Variants in LRP1B observed in about 807,000 individuals in gnomAD.
The protein encoded by LRP1B is low-density lipoprotein receptor-related protein 1B.
LRP1B carries 217 observed loss-of-function variants against 556.6 expected under a neutral mutation model. The observed-to-expected ratio is 0.39, with a 90% confidence interval of 0.35 to 0.44. The LOEUF (loss-of-function observed/expected upper bound fraction) is 0.44, where lower values mean the gene tolerates loss of function less well. Ranked by LOEUF, LRP1B falls within the 20% of genes least tolerant of loss-of-function variation. The probability of loss-of-function intolerance (pLI) is 1.00; values close to 1 mark genes in which losing one functional copy is unlikely to be tolerated. For synonymous variants in LRP1B, 2,047 were observed against 1,865.8 expected (o/e 1.10, Z -2.50); for missense variants, 5,053 against 5,620.8 (o/e 0.90, Z 3.23).
chr2:142,010,697 G>A (rs1365973483), intron 1 of LRP1B, among the ~76,000 whole-genome samples: 1 of 151,980 alleles, frequency 6.6e-6, no homozygotes, highest in Non-Finnish European at 1.5e-5. Flanking sequence ...GTGGTTGTAG[G>A]CTGTATTCTG....
intron 2 of LRP1B, among the ~76,000 whole-genome samples, chr2:141,628,177 A>C (rs1048431856): frequency 6.6e-6 from 1 of 152,176 alleles, no homozygotes; most frequent in African/African-American, 2.4e-5. Flanking sequence ...ACCACCAACA[A>C]CCAAATGCTA....
intron 43 of LRP1B, among the ~76,000 whole-genome samples, chr2:140,577,119 T>G (rs933481693): frequency 7.9e-5 from 12 of 152,168 alleles, no homozygotes; most frequent in Admixed American, 3.3e-4. Flanking sequence ...AATAAAGATT[T>G]GCCACTGGAA....
chr2:141,462,590 C>G (rs1681920078), intron 3 of LRP1B, among the ~76,000 whole-genome samples: 1 of 152,030 alleles, frequency 6.6e-6, no homozygotes, highest in Non-Finnish European at 1.5e-5. Flanking sequence ...TAGCAAACAA[C>G]CATGGCACAT....
intron 3 of LRP1B, among the ~76,000 whole-genome samples, chr2:141,449,761 A>G (rs1346090904): frequency 6.6e-6 from 1 of 152,238 alleles, no homozygotes; most frequent in Non-Finnish European, 1.5e-5. Context: ...GGATTTGGAC[A>G]AATGTAAACT....
At chr2:140,812,494 ATAT>A (rs1437889503) in intron 32 of LRP1B, among the ~76,000 whole-genome samples, 2 of 152,006 alleles carry the variant, frequency 1.3e-5, no homozygotes, top group Non-Finnish European at 1.5e-5. Flanking sequence ...GATGATAAAA[ATAT>A]TTTTTATCTA....
chr2:141,646,243 T>A (rs534561742), intron 2 of LRP1B, among the ~76,000 whole-genome samples: 1 of 152,160 alleles, frequency 6.6e-6, no homozygotes, highest in Non-Finnish European at 1.5e-5. Context: ...TGTATTGAAA[T>A]GTATGTATGT....
intron 3 of LRP1B, among the ~76,000 whole-genome samples, 192 bp from the exon 4 acceptor site, chr2:141,254,833 G>T (rs965607885): frequency 1.3e-5 from 2 of 151,962 alleles, no homozygotes; most frequent in African/African-American, 4.8e-5. Flanking sequence ...TAAAATTCGA[G>T]ATCAATCTGT....
intron 59 of LRP1B, 73 bp downstream of exon 59, chr2:140,485,270 C>CTA: frequency 8.9e-7 from 1 of 1,119,698 alleles, no homozygotes; most frequent in East Asian, 2.5e-5. Context: ...TGTTAATGAT[C>CTA]TATAGTACTA....
Position 141,544,310 on chromosome 2 carries a change from C to CTTCTTCTTCTTCTTCTT in LRP1B, c.206-63794_206-63778dup, listed in dbSNP as rs1559130825. Among the ~76,000 whole-genome samples the CTTCTTCTTCTTCTTCTT allele has an allele frequency of 2.1e-3, 40 of 19,150 alleles. No individual in the cohort carries two copies. In the South Asian group the frequency reaches 0.031, roughly 15 times the overall value. The allele number at this position is 19,150 out of a possible 152,430, so 12.6% of individuals were successfully genotyped here. A position where few individuals can be genotyped will look rare whatever the true frequency, so the allele number is the denominator to read the frequency against. The stretch of plus-strand genomic sequence containing the variant: ...GAAATTTACCACTCTTCTTCTTCTT[C>CTTCTTCTTCTTCTTCTT]TTCTTCTTCTTCTTCTTCTTCTTCT... On this transcript the variant is annotated intron_variant, in intron 2 of 90. Transcript: ENST00000389484.
At chr2:141,930,240 C>A (rs1197315068) in intron 1 of LRP1B, among the ~76,000 whole-genome samples, 1 of 151,940 alleles carries the variant, frequency 6.6e-6, no homozygotes, top group East Asian at 1.9e-4. Flanking sequence ...ATAGTTATAA[C>A]CAGTTCCTCC....
At chr2:140,955,669 T>A (rs1331165008) in intron 18 of LRP1B, among the ~76,000 whole-genome samples, 1 of 151,770 alleles carries the variant, frequency 6.6e-6, no homozygotes, top group Non-Finnish European at 1.5e-5. Context: ...TATTATATGT[T>A]TCACTTAAAA....
At chr2:141,165,780 T>C (rs1394766859) in intron 7 of LRP1B, among the ~76,000 whole-genome samples, 1 of 152,032 alleles carries the variant, frequency 6.6e-6, no homozygotes, top group Non-Finnish European at 1.5e-5. Flanking sequence ...CAATGAAAAA[T>C]ATACAATTAT....
At chr2:141,192,329 TAA>T (rs768178248) in intron 6 of LRP1B, among the ~76,000 whole-genome samples, 65 of 152,064 alleles carry the variant, frequency 4.3e-4, no homozygotes, top group Admixed American at 1.2e-3. Context: ...CTAGAATTTT[TAA>T]AAGTCTAAAT....
chr2:141,068,456 T>C (rs1361439234), intron 7 of LRP1B, among the ~76,000 whole-genome samples: 77 of 149,976 alleles, frequency 5.1e-4, no homozygotes, highest in Non-Finnish European at 8.8e-5. Context: ...GTTTGCATAG[T>C]GCAAGAGAAA....
intron 7 of LRP1B, among the ~76,000 whole-genome samples, chr2:141,094,899 G>A (rs1057019701): frequency 6.6e-6 from 1 of 152,208 alleles, no homozygotes; most frequent in Non-Finnish European, 1.5e-5. Context: ...GACAACCCCT[G>A]TTACGGTTTG....
Position 140,352,576 on chromosome 2 carries a change from C to G in LRP1B, c.11650+377G>C, listed in dbSNP as rs542497385. Among the ~76,000 whole-genome samples the G allele has an allele frequency of 9.2e-5, 14 of 152,158 alleles. 3 individuals carry two copies. Among genetic ancestry groups the G allele is most frequent in the African/African-American group, 3.4e-4 (14 of 41,526 alleles). On this transcript the variant is annotated intron_variant, in intron 76 of 90. Transcript: ENST00000389484. ...CCTTTAAAATCCTTACTCAAAATTC[C>G]TTTCTCCTTATAATGCTAATGTTTA...
chr2:141,801,126 A>G (rs1695992213), intron 2 of LRP1B, among the ~76,000 whole-genome samples: 1 of 152,172 alleles, frequency 6.6e-6, no homozygotes, highest in African/African-American at 2.4e-5. Context: ...TCGATTCAGA[A>G]TTGAAAATTA....
intron 1 of LRP1B, among the ~76,000 whole-genome samples, chr2:141,834,072 T>A (rs1483976828): frequency 6.6e-6 from 1 of 151,836 alleles, no homozygotes; most frequent in Non-Finnish European, 1.5e-5. Context: ...ACTACGTGAT[T>A]ATAGGCGTGC....
At chr2:141,057,960 T>C (rs1244991479) in intron 9 of LRP1B, among the ~76,000 whole-genome samples, 1 of 151,896 alleles carries the variant, frequency 6.6e-6, no homozygotes, top group Non-Finnish European at 1.5e-5. Flanking sequence ...ATAGCACTTA[T>C]TACCTTCTAA....
Sources: allele counts gnomAD v4.1 joint callset (sites outside exome capture counted in the v4.1 genomes callset), GRCh38; gene constraint gnomAD v4.1.1; transcripts MANE v1.5; gene names NCBI Gene and HGNC (gene_info 2026-07-23, HGNC 2026-07-21).